The following GABBR2 variants were observed in gnomAD, a reference collection of about 807,000 sequenced individuals.
GABBR2 encodes gamma-aminobutyric acid type B receptor subunit 2.
Under a neutral mutation model 105.6 loss-of-function variants are expected in GABBR2, and 23 were observed. The ratio of observed to expected loss-of-function variants is 0.22; its 90% CI spans 0.16 to 0.31. GABBR2 has a LOEUF of 0.31. GABBR2 is among the 10% of genes least tolerant of loss of function. The probability of loss-of-function intolerance (pLI) is 1.00; values close to 1 mark genes in which losing one functional copy is unlikely to be tolerated. For synonymous variants in GABBR2, 478 were observed against 499.7 expected, an observed-to-expected ratio of 0.96 and a Z score of 0.58; for missense variants, 734 against 1,245.5, an observed-to-expected ratio of 0.59 and a Z score of 6.18.
intron 7 of GABBR2, among the ~76,000 whole-genome samples, chr9:98,416,960 C>T (rs1211465181): frequency 2.0e-5 from 3 of 152,200 alleles, no homozygotes; most frequent in Non-Finnish European, 1.5e-5. Context: ...AAGCACAAGC[C>T]TCCTATGTTA....
chr9:98,473,294 C>A lies in GABBR2; in HGVS notation c.851G>T (p.Trp284Leu). ...CTGCTCCCACCAAGAAGGCTCGTAC[C>A]AGCCCGGAATGATCCACTGATATTT... ...GSKYQWIIPGWYEPSWWEQVH... is the reference protein window; with the variant it reads ...GSKYQWIIPGLYEPSWWEQVH... The change falls in exon 6 of 19, where the codon TGG becomes TTG. Residue 284 changes from tryptophan (W) to leucine (L), a missense_variant. Trp to Leu is a moderately conservative substitution (Grantham distance 61, BLOSUM62 -2). Around this residue, in one of 7 missense-constraint regions of GABBR2, gnomAD observed 370 missense variants for 648.9 expected, o/e 0.57. Coordinates refer to ENST00000259455, the MANE Select transcript of GABBR2 (RefSeq NM_005458.8). 6.2e-7 allele frequency: 1 copy of A among 1,613,664 alleles called. No individual in the cohort carries two copies. Among genetic ancestry groups the A allele is most frequent in the Non-Finnish European group, 8.5e-7 (1 of 1,179,786 alleles).
At chr9:98,658,653 C>T (rs1830215638) in intron 1 of GABBR2, among the ~76,000 whole-genome samples, 1 of 152,210 alleles carries the variant, frequency 6.6e-6, no homozygotes, top group Admixed American at 6.5e-5. Context: ...CTGCCAGTAT[C>T]CTTCAGGAGT....
intron 1 of GABBR2, among the ~76,000 whole-genome samples, chr9:98,603,007 A>G (rs1233301252): frequency 1.3e-5 from 2 of 151,924 alleles, no homozygotes; most frequent in Non-Finnish European, 2.9e-5. Flanking sequence ...GAGGGCCGGC[A>G]GACACAGGAA....
chr9:98,492,429 C>G (rs897964777), intron 4 of GABBR2, among the ~76,000 whole-genome samples: 3 of 134,800 alleles, frequency 2.2e-5, no homozygotes, highest in Non-Finnish European at 4.6e-5. Context: ...AGTTCCCATA[C>G]AACCCCTCAT....
intron 13 of GABBR2, among the ~76,000 whole-genome samples, chr9:98,318,216 C>T (rs910526640): frequency 1.1e-4 from 17 of 152,122 alleles, no homozygotes; most frequent in African/African-American, 2.7e-4. Flanking sequence ...TGCGCGGTCC[C>T]GGGTGGGGCC....
chr9:98,343,973 G>A (rs1032730738), intron 13 of GABBR2, among the ~76,000 whole-genome samples: 1 of 152,108 alleles, frequency 6.6e-6, no homozygotes, highest in African/African-American at 2.4e-5. Flanking sequence ...AGCATTTGAC[G>A]CAGTTCATCA....
chr9:98,406,439 G>A (rs989020042), intron 7 of GABBR2, among the ~76,000 whole-genome samples: 5 of 152,236 alleles, frequency 3.3e-5, no homozygotes, highest in South Asian at 2.1e-4. Flanking sequence ...CCACGTGTCC[G>A]TGCTATAATG....
At chr9:98,504,537 TA>T (rs1232044669) in intron 3 of GABBR2, among the ~76,000 whole-genome samples, 1 of 152,184 alleles carries the variant, frequency 6.6e-6, no homozygotes, top group Non-Finnish European at 1.5e-5. Flanking sequence ...AAATTCTAAT[TA>T]GGTTACGAAA....
intron 1 of GABBR2, among the ~76,000 whole-genome samples, chr9:98,679,253 T>C (rs1270479601): frequency 1.3e-5 from 2 of 152,250 alleles, no homozygotes; most frequent in South Asian, 4.1e-4. Context: ...GTATTGCTAC[T>C]TGCATACAAT....
chr9:98,700,276 C>T (rs958389074), intron 1 of GABBR2, among the ~76,000 whole-genome samples: 2 of 152,166 alleles, frequency 1.3e-5, no homozygotes, highest in African/African-American at 4.8e-5. Context: ...ACCAAGTAGG[C>T]CCCACCCTCC....
intron 3 of GABBR2, among the ~76,000 whole-genome samples, chr9:98,515,211 G>A (rs771343448): frequency 3.9e-5 from 6 of 152,172 alleles, no homozygotes; most frequent in Non-Finnish European, 8.8e-5. Context: ...TCCAAGGAAC[G>A]TCTCAAATTC....
intron 7 of GABBR2, among the ~76,000 whole-genome samples, chr9:98,453,227 T>C (rs181071404): frequency 6.6e-6 from 1 of 152,346 alleles, no homozygotes; most frequent in East Asian, 1.9e-4. Flanking sequence ...GGTTTCACCA[T>C]GTTGGTCAGG....
Position 98,362,939 on chromosome 9 carries a change from C to T in GABBR2, c.1771-102G>A, listed in dbSNP as rs564441259. Reference sequence around the variant, plus strand: ...AGGGGGAACCTGCATCATGAACCCCCCAGCCGGAGAGTCTCCTGCGATTCC... The same window carrying T: ...AGGGGGAACCTGCATCATGAACCCCTCAGCCGGAGAGTCTCCTGCGATTCC... On this transcript the variant is annotated intron_variant, in intron 12 of 18. Coordinates refer to ENST00000259455, the MANE Select transcript of GABBR2 (RefSeq NM_005458.8). The T allele has an allele frequency of 1.5e-3, 1,502 of 1,034,156 alleles. 5 individuals carry two copies. The highest frequency in any genetic ancestry group is 1.8e-3 in the Non-Finnish European group (1,361 of 745,386). The allele number at this position is 1,034,156 out of a possible 1,614,324, so 64.1% of individuals were successfully genotyped here. A position where few individuals can be genotyped will look rare whatever the true frequency, so the allele number is the denominator to read the frequency against.
chr9:98,455,856 A>G (rs1417996903), intron 6 of GABBR2, among the ~76,000 whole-genome samples: 1 of 152,210 alleles, frequency 6.6e-6, no homozygotes, highest in Admixed American at 6.5e-5. Context: ...TGAATTCTGC[A>G]TGACCAAATG....
At chr9:98,543,786 TA>T (rs971659957) in intron 2 of GABBR2, among the ~76,000 whole-genome samples, 1 of 152,226 alleles carries the variant, frequency 6.6e-6, no homozygotes. Flanking sequence ...TTAAGAAAAT[TA>T]GCCCTTTATG....
intron 1 of GABBR2, among the ~76,000 whole-genome samples, chr9:98,688,550 A>AT (rs1425041586): frequency 1.3e-5 from 2 of 152,234 alleles, no homozygotes; most frequent in Admixed American, 6.5e-5. Flanking sequence ...AAATCATTAG[A>AT]TTTTGTCAAA....
chr9:98,504,137 TCTA>T (rs1314814588), intron 3 of GABBR2, among the ~76,000 whole-genome samples: 1 of 152,014 alleles, frequency 6.6e-6, no homozygotes, highest in Non-Finnish European at 1.5e-5. Flanking sequence ...CTCAGGCCCT[TCTA>T]CTCCTGGCCC....
intron 13 of GABBR2, among the ~76,000 whole-genome samples, chr9:98,323,278 A>G (rs1242059204): frequency 1.3e-5 from 2 of 152,228 alleles, no homozygotes; most frequent in Non-Finnish European, 2.9e-5. Context: ...CTTGGGGCAC[A>G]TGGATAGGCC....
intron 13 of GABBR2, among the ~76,000 whole-genome samples, chr9:98,324,093 G>A (rs1198550504): frequency 6.6e-6 from 1 of 152,174 alleles, no homozygotes; most frequent in African/African-American, 2.4e-5. Flanking sequence ...CACACATCAA[G>A]AATTCAGGGC....
Sources: gnomAD v4.1 joint callset for allele counts (sites outside exome capture counted in the v4.1 genomes callset) on GRCh38, gnomAD v4.1.1 for gene constraint, gnomAD v4.1.1 regional missense constraint, MANE v1.5 for transcripts, NCBI Gene and HGNC (gene_info 2026-07-23, HGNC 2026-07-21) for gene names.